The following AGAP1 variants were observed in gnomAD, a reference collection of about 807,000 sequenced individuals.
AGAP1 encodes ArfGAP with GTPase domain, ankyrin repeat and PH domain 1, also known as arf-GAP with GTPase, ANK repeat and PH domain-containing protein 1.
In AGAP1, 29 loss-of-function variants were observed where a neutral mutation model predicts 105.3. The ratio of observed to expected loss-of-function variants is 0.28; its 90% CI spans 0.21 to 0.38. AGAP1 has a LOEUF of 0.38. Among genes scored for constraint, AGAP1 ranks in the 10% least tolerant of loss-of-function variants. The pLI, the probability that AGAP1 is intolerant of heterozygous loss-of-function variation, is 1.00. For missense variants in AGAP1, 998 were observed against 1,165.1 expected, an observed-to-expected ratio of 0.86 and a Z score of 2.09; for synonymous variants, 509 against 485.9, an observed-to-expected ratio of 1.05 and a Z score of -0.63.
intron 1 of AGAP1, among the ~76,000 whole-genome samples, chr2:235,702,568 C>T (rs1304018217): frequency 6.6e-6 from 1 of 152,150 alleles, no homozygotes; most frequent in East Asian, 1.9e-4. Context: ...TAAGATAGGC[C>T]AACTGGAGTC....
At chr2:236,086,143 T>G (rs2058922606) in intron 16 of AGAP1, among the ~76,000 whole-genome samples, 1 of 152,220 alleles carries the variant, frequency 6.6e-6, no homozygotes, top group African/African-American at 2.4e-5. Flanking sequence ...AAGAAATAAT[T>G]GGATTCTAAA....
rs559202829 is a variant in AGAP1, at chr2:235,601,322, T to G, written c.163+106473T>G. 1.3e-5 allele frequency among the ~76,000 whole-genome samples: 2 copies of G among 152,120 alleles called. No homozygotes were observed. The highest frequency in any genetic ancestry group is 2.1e-4 in the South Asian group (1 of 4,806). ...GGAAGGAGAAAGAGATGGAGACAGG[T>G]TTGCTGTCTCTTCCTCTTGTTATAA... On this transcript the variant is annotated intron_variant, in intron 1 of 17. Coordinates refer to ENST00000304032, the MANE Select transcript of AGAP1 (RefSeq NM_001037131.3). This position sits in a 1 kb window ranked among gnomAD's most constrained non-coding sequence, Gnocchi z 4.4.
In AGAP1 at chr2:236,058,204, A is replaced by G. The variant is rs753050153; in HGVS notation, c.2114+8923A>G. On this transcript the variant is annotated intron_variant, in intron 16 of 17. Coordinates refer to ENST00000304032, the MANE Select transcript of AGAP1 (RefSeq NM_001037131.3). This position sits in a 1 kb window ranked among gnomAD's most constrained non-coding sequence, Gnocchi z 4.6. ...TAAGTAGTAAAAATAAAAGTCCACA[A>G]TCTTGCCTGTGAACTCACTGTGTTA... is the stretch of plus-strand genomic sequence containing the variant. Among the ~76,000 whole-genome samples the G allele has an allele frequency of 1.1e-4, 17 of 152,186 alleles. No individual in the cohort carries two copies. The highest frequency in any genetic ancestry group is 2.1e-4 in the Non-Finnish European group (14 of 68,040).
At chr2:235,844,625 G>T (rs889911082) in intron 9 of AGAP1, among the ~76,000 whole-genome samples, 6 of 152,012 alleles carry the variant, frequency 3.9e-5, no homozygotes, top group African/African-American at 1.4e-4. Context: ...GGCATTTAAG[G>T]CTCCCCCTGA....
chr2:235,812,468 G>A (rs1444804505), intron 9 of AGAP1, among the ~76,000 whole-genome samples: 2 of 152,212 alleles, frequency 1.3e-5, no homozygotes, highest in Non-Finnish European at 2.9e-5. Context: ...GCAGGCCACC[G>A]ACCTGTGTTG....
Position 236,008,562 on chromosome 2 carries a change from C to T in AGAP1, c.1646-27999C>T, listed in dbSNP as rs1162837838. ...TGAAATACCCAGTGGATTTGGGGTG[C>T]ACCTGTACCCTTGATCTCCACTTCT... On this transcript the variant is annotated intron_variant, in intron 13 of 17. Transcript: ENST00000304032. 2.6e-5 allele frequency among the ~76,000 whole-genome samples: 4 copies of T among 152,198 alleles called. No homozygotes were observed. In the East Asian group the frequency reaches 7.7e-4, roughly 29 times the overall value.
rs1363778052 is a variant in AGAP1 at position 235,906,945 on chromosome 2, G to A, written c.1156-1793G>A. ...GCAGGAGAATCTCTTGAATCCGGAA[G>A]GCAGAGGTTACAGTGAGCTGAGTTC... On this transcript the variant is annotated intron_variant, in intron 10 of 17. Coordinates refer to ENST00000304032, the MANE Select transcript of AGAP1 (RefSeq NM_001037131.3). This position sits in a 1 kb window ranked among gnomAD's most constrained non-coding sequence, Gnocchi z 5.3. Among the ~76,000 whole-genome samples, 2 of 152,202 alleles carry A rather than the reference G, an allele frequency of 1.3e-5. No homozygotes were observed. Among genetic ancestry groups the A allele is most frequent in the Non-Finnish European group, 2.9e-5 (2 of 68,036 alleles).
rs183243499 is a variant in AGAP1 at position 235,891,467 on chromosome 2, G to A, written c.1155+8018G>A. Reference sequence around the variant, plus strand: ...CGAGGGCAGCCTGTTCTAAGACCCTGAGAGTCCCTTTCTGTGGACTTAAAT... The same window carrying A: ...CGAGGGCAGCCTGTTCTAAGACCCTAAGAGTCCCTTTCTGTGGACTTAAAT... On this transcript the variant is annotated intron_variant, in intron 10 of 17. Transcript: ENST00000304032. This position sits in a 1 kb window ranked among gnomAD's most constrained non-coding sequence, Gnocchi z 4.2. 3.8e-3 allele frequency among the ~76,000 whole-genome samples: 581 copies of A among 152,286 alleles called. 6 individuals are homozygous for A. The highest frequency in any genetic ancestry group is 0.013 in the African/African-American group (558 of 41,560).
At chr2:235,699,300 C>T (rs985357190) in intron 1 of AGAP1, among the ~76,000 whole-genome samples, 13 of 152,108 alleles carry the variant, frequency 8.5e-5, no homozygotes, top group Non-Finnish European at 4.4e-5. Context: ...TCTTTGGTTG[C>T]GTTGTCTTGC....
chr2:235,846,025 A>T (rs1236954652), intron 9 of AGAP1, among the ~76,000 whole-genome samples: 4 of 151,906 alleles, frequency 2.6e-5, no homozygotes, highest in Admixed American at 6.6e-5. Flanking sequence ...ATACTAAATT[A>T]AAAAAAAATT....
At position 236,106,903 on chromosome 2, in the gene AGAP1, C is replaced by T. The variant is rs543839684; in HGVS notation, c.2115-13289C>T. Among the ~76,000 whole-genome samples the T allele has an allele frequency of 1.6e-4, 24 of 152,322 alleles. No homozygotes were observed. In the South Asian group the frequency reaches 1.7e-3, roughly 11 times the overall value. ...TGGGCCCCGTGGAGGTGGCTGCAGT[C>T]TACAAGGGGGTGGCTGCCCTGGCCT... On this transcript the variant is annotated intron_variant, in intron 16 of 17. Transcript: ENST00000304032.
At chr2:235,605,567 A>G (rs1945902870) in intron 1 of AGAP1, among the ~76,000 whole-genome samples, 2 of 152,314 alleles carry the variant, frequency 1.3e-5, no homozygotes, top group Admixed American at 6.5e-5. Context: ...GTGGGTCCCT[A>G]ACGGCTGGAA....
intron 9 of AGAP1, among the ~76,000 whole-genome samples, chr2:235,819,209 G>A (rs910218421): frequency 6.6e-6 from 1 of 150,424 alleles, no homozygotes; most frequent in Non-Finnish European, 1.5e-5. Context: ...TCTGCCTCCC[G>A]TGTTGAATTG....
At chr2:235,528,979 G>A (rs1942950680) in intron 1 of AGAP1, among the ~76,000 whole-genome samples, 1 of 152,152 alleles carries the variant, frequency 6.6e-6, no homozygotes. Flanking sequence ...CCCAGCCAGT[G>A]GGGTTAATTT....
intron 6 of AGAP1, among the ~76,000 whole-genome samples, chr2:235,759,255 A>T (rs866858395): frequency 5.3e-5 from 7 of 131,502 alleles, no homozygotes; most frequent in Non-Finnish European, 9.3e-5. Flanking sequence ...TGCAAGCTCC[A>T]CCTCCTGGGT....
At chr2:235,986,665 A>T (rs1187357928) in intron 13 of AGAP1, among the ~76,000 whole-genome samples, 2 of 152,198 alleles carry the variant, frequency 1.3e-5, no homozygotes, top group Non-Finnish European at 2.9e-5. Flanking sequence ...TAGTTTATTG[A>T]AAGTTTTTAA....
Position 235,994,937 on chromosome 2 carries a change from G to A in AGAP1, c.1645+26314G>A, listed in dbSNP as rs2055730042. 6.6e-6 allele frequency among the ~76,000 whole-genome samples: 1 copy of A among 150,574 alleles called. No individual in the cohort carries two copies. The highest frequency in any genetic ancestry group is 1.5e-5 in the Non-Finnish European group (1 of 67,614). The stretch of plus-strand genomic sequence containing the variant: ...AAAACATTAGCCAAGCGTGGTGGTA[G>A]GCGCCTGTAATCGCAGCTACTTGGG... On this transcript the variant is annotated intron_variant, in intron 13 of 17. Transcript: ENST00000304032. This position sits in a 1 kb window ranked among gnomAD's most constrained non-coding sequence, Gnocchi z 4.4.
rs2059726116 is a variant in AGAP1 at position 236,114,646 on chromosome 2, A to G, written c.2115-5546A>G. 6.6e-6 allele frequency among the ~76,000 whole-genome samples: 1 copy of G among 152,132 alleles called. No individual in the cohort carries two copies. The highest frequency in any genetic ancestry group is 2.4e-5 in the African/African-American group (1 of 41,428). ...CTGCCTTTCCTCCGGGTGTGCTCAG[A>G]GGGAGAGAGACATCACCAGTGTCTC... is the stretch of plus-strand genomic sequence containing the variant. On this transcript the variant is annotated intron_variant, in intron 16 of 17. Coordinates refer to ENST00000304032, the MANE Select transcript of AGAP1 (RefSeq NM_001037131.3). The surrounding 1 kb of genome is among the most constrained non-coding windows in gnomAD (Gnocchi z 5.0).
rs1004279869 is a variant in AGAP1, at chr2:236,083,085, G to A, written c.2114+33804G>A. Reference sequence around the variant, plus strand: ...CAGGAGAATCACTTGAACCTGGGAGGCATAGGTTGCAGTGAGCCGAGATCA... The same window carrying A: ...CAGGAGAATCACTTGAACCTGGGAGACATAGGTTGCAGTGAGCCGAGATCA... On this transcript the variant is annotated intron_variant, in intron 16 of 17. Transcript: ENST00000304032. This position sits in a 1 kb window ranked among gnomAD's most constrained non-coding sequence, Gnocchi z 5.3. Among the ~76,000 whole-genome samples the A allele has an allele frequency of 6.6e-6, 1 of 152,068 alleles. No homozygotes were observed. Among genetic ancestry groups the A allele is most frequent in the Non-Finnish European group, 1.5e-5 (1 of 68,024 alleles).
Sources: allele counts gnomAD v4.1 joint callset (sites outside exome capture counted in the v4.1 genomes callset), GRCh38; gene constraint gnomAD v4.1.1; non-coding constraint Gnocchi (gnomAD v3.1); transcripts MANE v1.5; gene names NCBI Gene and HGNC (gene_info 2026-07-23, HGNC 2026-07-21).